RAD51B: variants seen among roughly 807,000 people sequenced by gnomAD.
RAD51B encodes RAD51 paralog B, also known as DNA repair protein RAD51 homolog 2.
A neutral mutation model predicts 42.2 loss-of-function variants in RAD51B; 38 were observed. The observed-to-expected ratio is 0.90, with a 90% CI of 0.70 to 1.18. RAD51B has a LOEUF of 1.18. Among genes scored for constraint, RAD51B ranks in the 50% most tolerant of loss-of-function variants. The probability of loss-of-function intolerance (pLI) is 0.00; values close to 1 mark genes in which losing one functional copy is unlikely to be tolerated. For synonymous variants in RAD51B, 154 were observed against 145.2 expected (o/e 1.06, Z -0.43); for missense variants, 373 against 400.7 (o/e 0.93, Z 0.59).
chr14:67,864,834 A>T, intron 4 of RAD51B, 169 bp from the exon 5 acceptor site: 1 of 1,118,004 alleles, frequency 8.9e-7, no homozygotes, highest in South Asian at 1.3e-5. Context: ...GGAGAAGTTA[A>T]TTCATTCCAT....
intron 7 of RAD51B, chr14:68,129,952 AAAC>A (rs1333866153): frequency 6.6e-6 from 1 of 152,224 alleles, no homozygotes. Context: ...TAACAGCTTA[AAAC>A]AACAGCCATT....
intron 7 of RAD51B, among the ~76,000 whole-genome samples, chr14:68,007,831 T>C (rs1179916720): frequency 6.6e-6 from 1 of 151,840 alleles, no homozygotes; most frequent in South Asian, 2.1e-4. Flanking sequence ...AAATGCTAAC[T>C]TCCAAATAGA....
intron 7 of RAD51B, among the ~76,000 whole-genome samples, chr14:68,030,227 C>G (rs2076020300): frequency 6.6e-6 from 1 of 152,194 alleles, no homozygotes; most frequent in Admixed American, 6.5e-5. Flanking sequence ...GTCAGCCTGT[C>G]TTTTGTAGCT....
intron 7 of RAD51B, among the ~76,000 whole-genome samples, chr14:68,166,984 T>G (rs2078766642): frequency 6.6e-6 from 1 of 152,162 alleles, no homozygotes; most frequent in Admixed American, 6.5e-5. Flanking sequence ...TTTGCTCTTC[T>G]GTCACCGGGC....
At chr14:68,624,910 G>A (rs17106055) in intron 10 of RAD51B, among the ~76,000 whole-genome samples, 1,628 of 152,262 alleles carry the variant, frequency 0.011, 22 homozygotes, top group African/African-American at 0.036. Flanking sequence ...CGGTGGTTCC[G>A]AAGCGCCTGC....
chr14:67,874,681 A>C (rs1288003521), intron 5 of RAD51B, among the ~76,000 whole-genome samples: 1 of 151,738 alleles, frequency 6.6e-6, no homozygotes, highest in East Asian at 1.9e-4. Flanking sequence ...GTTTTTTTTT[A>C]ACCTACTGGA....
At chr14:68,106,716 G>A (rs1334209735) in intron 7 of RAD51B, among the ~76,000 whole-genome samples, 3 of 151,762 alleles carry the variant, frequency 2.0e-5, no homozygotes, top group African/African-American at 7.2e-5. Context: ...TAATCTCATA[G>A]TGATGATGAT....
At chr14:68,170,463 T>G (rs1228248573) in intron 7 of RAD51B, among the ~76,000 whole-genome samples, 1 of 152,198 alleles carries the variant, frequency 6.6e-6, no homozygotes, top group East Asian at 1.9e-4. Flanking sequence ...TTTTTATTAC[T>G]AATTCTTTTT....
chr14:68,453,241 A>G (rs890060027), intron 9 of RAD51B, among the ~76,000 whole-genome samples: 1 of 152,248 alleles, frequency 6.6e-6, no homozygotes, highest in East Asian at 1.9e-4. Flanking sequence ...TCTGTATGAT[A>G]AACTAATAAA....
intron 10 of RAD51B, chr14:68,650,657 A>G: frequency 1.6e-6 from 1 of 621,060 alleles, no homozygotes; most frequent in Non-Finnish European, 2.9e-6. Flanking sequence ...GTAGCATCTA[A>G]TTCAAAACAA....
intron 10 of RAD51B, among the ~76,000 whole-genome samples, chr14:68,510,914 G>A (rs1335366089): frequency 6.6e-6 from 1 of 152,214 alleles, no homozygotes; most frequent in East Asian, 1.9e-4. Flanking sequence ...AAAAGGGCCA[G>A]CTCTGGCTCT....
At chr14:67,886,852 A>T (rs1047266094) in intron 6 of RAD51B, 169 bp from the exon 7 acceptor site, 13 of 436,882 alleles carry the variant, frequency 3.0e-5, no homozygotes, top group Admixed American at 4.0e-5. Flanking sequence ...CTCTGTTTCC[A>T]GAAAAGTATG....
intron 7 of RAD51B, among the ~76,000 whole-genome samples, chr14:68,015,580 A>G (rs565461685): frequency 6.6e-6 from 1 of 152,202 alleles, no homozygotes; most frequent in Non-Finnish European, 1.5e-5. Context: ...ACTGCCCTTT[A>G]TAAAACCATC....
chr14:68,606,127 G>A (rs1223862471), intron 10 of RAD51B, among the ~76,000 whole-genome samples: 1 of 152,228 alleles, frequency 6.6e-6, no homozygotes, highest in African/African-American at 2.4e-5. Context: ...TCTGGCATGA[G>A]TATTGTTTGA....
At chr14:68,033,200 A>T (rs1566593055) in intron 7 of RAD51B, among the ~76,000 whole-genome samples, 1 of 152,218 alleles carries the variant, frequency 6.6e-6, no homozygotes, top group African/African-American at 2.4e-5. Context: ...TTGTTAAATA[A>T]TTAAAGCAAG....
chr14:68,077,244 CTGTT>C (rs2076848463), intron 7 of RAD51B, among the ~76,000 whole-genome samples: 1 of 152,156 alleles, frequency 6.6e-6, no homozygotes, highest in African/African-American at 2.4e-5. Context: ...ATGATTTAGA[CTGTT>C]TGTTGTCAAT....
chr14:68,355,786 C>T (rs2082886721), intron 8 of RAD51B, among the ~76,000 whole-genome samples: 1 of 152,196 alleles, frequency 6.6e-6, no homozygotes, highest in Admixed American at 6.5e-5. Flanking sequence ...ATTATACTTC[C>T]ATGTGCCATT....
chr14:68,231,349 T>C (rs1012856071), intron 7 of RAD51B, among the ~76,000 whole-genome samples: 3 of 152,208 alleles, frequency 2.0e-5, no homozygotes, highest in African/African-American at 7.2e-5. Context: ...TCTAAATCTT[T>C]CCTCCAACCT....
intron 7 of RAD51B, among the ~76,000 whole-genome samples, chr14:68,052,771 C>T (rs1020233380): frequency 6.6e-6 from 1 of 151,732 alleles, no homozygotes; most frequent in Non-Finnish European, 1.5e-5. Flanking sequence ...TGGGTGTGTG[C>T]CACCATGCCT....
Sources: gnomAD v4.1 joint callset for allele counts (sites outside exome capture counted in the v4.1 genomes callset) on GRCh38, gnomAD v4.1.1 for gene constraint, MANE v1.5 for transcripts, NCBI Gene and HGNC (gene_info 2026-07-23, HGNC 2026-07-21) for gene names.